Variants in RBFOX1 observed in about 807,000 individuals in gnomAD.
RBFOX1 encodes the protein RNA binding fox-1 homolog 1, also known as RNA binding protein fox-1 homolog 1.
RBFOX1 carries 8 observed loss-of-function variants against 57.7 expected under a neutral mutation model. That is an observed-to-expected ratio of 0.14 (90% CI 0.08 to 0.25). RBFOX1 has a LOEUF of 0.25. Ranked by LOEUF, RBFOX1 falls within the 10% of genes least tolerant of loss-of-function variation. The pLI is 1.00. For synonymous variants in RBFOX1, 326 were observed against 222.4 expected (o/e 1.47, Z -4.15); for missense variants, 611 against 548.5 (o/e 1.11, Z -1.14).
chr16:5,764,345 C>T (rs578160702), intron 3 of RBFOX1, among the ~76,000 whole-genome samples: 1 of 152,214 alleles, frequency 6.6e-6, no homozygotes, highest in African/African-American at 2.4e-5. Flanking sequence ...GTGGGGAGGA[C>T]AGGACTCCTT....
chr16:7,096,248 C>G lies in RBFOX1; in HGVS notation c.27+44150C>G, dbSNP rs146358032. On this transcript the variant is annotated intron_variant, in intron 4 of 15. Coordinates refer to ENST00000550418, the MANE Select transcript of RBFOX1 (RefSeq NM_018723.4). ...ATTGCTAAAACTCATGGTTGCAGAG[C>G]TAAGTGGAGACTCAAAGGGGATATG... 2.2e-3 allele frequency among the ~76,000 whole-genome samples: 332 copies of G among 152,208 alleles called. 3 individuals carry two copies. Among genetic ancestry groups the G allele is most frequent in the African/African-American group, 7.5e-3 (312 of 41,508 alleles).
chr16:5,860,366 C>T (rs528283202), intron 3 of RBFOX1, among the ~76,000 whole-genome samples: 30 of 152,246 alleles, frequency 2.0e-4, no homozygotes, highest in Admixed American at 6.5e-4. Context: ...TGAGCCACCG[C>T]GCCTGGCCTA....
In RBFOX1 at chr16:7,417,372, CAAAGA is replaced by C. The variant is rs1433145497; in HGVS notation, c.28-100771_28-100767del. Among the ~76,000 whole-genome samples, 14 of 122,644 alleles carry C rather than the reference CAAAGA, an allele frequency of 1.1e-4. No individual in the cohort carries two copies. In the East Asian group the frequency reaches 3.0e-3, roughly 26 times the overall value. 80.5% of individuals were successfully genotyped at this position (122,644 alleles called of 152,430 possible). ...TGGGCAACAGAGCGAGACTCTGTGT[CAAAGA>C]AAAAAAAAAAAAAGAGATGACCCCA... On this transcript the variant is annotated intron_variant, in intron 4 of 15. Transcript: ENST00000550418.
chr16:7,206,647 G>C (rs1489002598), intron 4 of RBFOX1, among the ~76,000 whole-genome samples: 2 of 151,996 alleles, frequency 1.3e-5, no homozygotes, highest in Non-Finnish European at 2.9e-5. Flanking sequence ...TTATCCCTCA[G>C]CTAGATTAGT....
chr16:6,865,425 C>A (rs2059751677), intron 3 of RBFOX1, among the ~76,000 whole-genome samples: 1 of 152,184 alleles, frequency 6.6e-6, no homozygotes, highest in East Asian at 1.9e-4. Context: ...CAGTGTTTAT[C>A]ATTAGTGTGT....
intron 3 of RBFOX1, among the ~76,000 whole-genome samples, chr16:6,663,354 C>T (rs992841636): frequency 6.6e-6 from 1 of 152,140 alleles, no homozygotes; most frequent in Admixed American, 6.5e-5. Context: ...GATTGATCTC[C>T]TGGTTTAGGG....
chr16:7,273,148 T>C (rs2095363859), intron 4 of RBFOX1, among the ~76,000 whole-genome samples: 1 of 122,556 alleles, frequency 8.2e-6, no homozygotes, highest in Non-Finnish European at 1.7e-5. Flanking sequence ...TGCTTCCTTC[T>C]TTCTCCTTCC....
intron 3 of RBFOX1, among the ~76,000 whole-genome samples, chr16:6,685,273 C>CTTTTTTTT (rs202226687): frequency 5.4e-5 from 6 of 111,576 alleles, no homozygotes; most frequent in Admixed American, 1.1e-4. Flanking sequence ...GAGAGTTTTT[C>CTTTTTTTT]TTTTTTTTTT....
At chr16:7,001,908 C>T (rs1269639129) in intron 3 of RBFOX1, among the ~76,000 whole-genome samples, 2 of 151,964 alleles carry the variant, frequency 1.3e-5, no homozygotes, top group South Asian at 2.1e-4. Flanking sequence ...AGCGGGGGTC[C>T]CCAAAATAGA....
At chr16:6,516,389 A>T (rs1009859573) in intron 2 of RBFOX1, among the ~76,000 whole-genome samples, 1 of 152,230 alleles carries the variant, frequency 6.6e-6, no homozygotes, top group African/African-American at 2.4e-5. Flanking sequence ...CCCATATCAC[A>T]TAGTTGTAAG....
chr16:6,458,226 A>T lies in RBFOX1; in HGVS notation c.-64+141169A>T, dbSNP rs947685341. ...CTCTGGAAGTTCGTCTGCAGCATGA[A>T]GTTTTTTACCTTGCTGGCATCACTC... On this transcript the variant is annotated intron_variant, in intron 2 of 15. Coordinates refer to ENST00000550418, the MANE Select transcript of RBFOX1 (RefSeq NM_018723.4). 2.8e-4 allele frequency among the ~76,000 whole-genome samples: 42 copies of T among 152,218 alleles called. 1 individual carries two copies. The highest frequency in any genetic ancestry group is 8.3e-4 in the South Asian group (4 of 4,818).
At chr16:6,853,788 A>G (rs950450320) in intron 3 of RBFOX1, among the ~76,000 whole-genome samples, 3 of 152,122 alleles carry the variant, frequency 2.0e-5, no homozygotes, top group African/African-American at 7.2e-5. Flanking sequence ...CCTCACTTGA[A>G]GAAACCACCG....
At chr16:6,673,874 A>C (rs1382577193) in intron 3 of RBFOX1, among the ~76,000 whole-genome samples, 2 of 152,174 alleles carry the variant, frequency 1.3e-5, no homozygotes, top group Non-Finnish European at 2.9e-5. Context: ...TTAAGAGAAG[A>C]AGCAAACACT....
intron 3 of RBFOX1, among the ~76,000 whole-genome samples, chr16:6,991,122 T>C (rs1164093078): frequency 3.0e-5 from 1 of 33,708 alleles, no homozygotes; most frequent in African/African-American, 1.1e-4. Flanking sequence ...GGCAACGTAA[T>C]AAAATTGTCT....
chr16:7,483,513 C>G (rs1185125564), intron 4 of RBFOX1, among the ~76,000 whole-genome samples: 1 of 152,206 alleles, frequency 6.6e-6, no homozygotes, highest in African/African-American at 2.4e-5. Flanking sequence ...CATTGTATAT[C>G]TTTAATATCC....
At chr16:6,912,156 C>T (rs1597007749) in intron 3 of RBFOX1, among the ~76,000 whole-genome samples, 1 of 152,214 alleles carries the variant, frequency 6.6e-6, no homozygotes, top group East Asian at 1.9e-4. Context: ...ATTTTCATGC[C>T]ATAAAGAATG....
intron 2 of RBFOX1, among the ~76,000 whole-genome samples, chr16:6,527,743 G>C (rs2096601028): frequency 6.6e-6 from 1 of 152,106 alleles, no homozygotes; most frequent in Admixed American, 6.5e-5. Flanking sequence ...TAAACCCAGA[G>C]TGTTTTGTCT....
chr16:5,842,688 T>G (rs1408425428), intron 3 of RBFOX1, among the ~76,000 whole-genome samples: 1 of 152,184 alleles, frequency 6.6e-6, no homozygotes, highest in Non-Finnish European at 1.5e-5. Context: ...TCGGAGGAAA[T>G]GTACCTCTAA....
chr16:6,240,195 C>T (rs1028086378), intron 1 of RBFOX1, among the ~76,000 whole-genome samples: 1 of 152,170 alleles, frequency 6.6e-6, no homozygotes, highest in Non-Finnish European at 1.5e-5. Flanking sequence ...GAGTGCCATG[C>T]TTCCTATACA....
Sources: gnomAD v4.1 joint callset for allele counts (sites outside exome capture counted in the v4.1 genomes callset) on GRCh38, gnomAD v4.1.1 for gene constraint, MANE v1.5 for transcripts, NCBI Gene and HGNC (gene_info 2026-07-23, HGNC 2026-07-21) for gene names.